Variants in PTPRD observed in about 807,000 individuals in gnomAD.
PTPRD encodes the protein receptor-type tyrosine-protein phosphatase delta.
PTPRD carries 34 observed loss-of-function variants against 214.5 expected under a neutral mutation model. The observed-to-expected ratio is 0.16, with a 90% CI of 0.12 to 0.21. PTPRD has a LOEUF of 0.21. Among genes scored for constraint, PTPRD ranks in the 10% least tolerant of loss-of-function variants. The pLI, the probability that PTPRD is intolerant of heterozygous loss-of-function variation, is 1.00. For synonymous variants in PTPRD, 1,128 were observed against 845.7 expected, an observed-to-expected ratio of 1.33 and a Z score of -5.79; for missense variants, 2,545 against 2,398.7, an observed-to-expected ratio of 1.06 and a Z score of -1.27.
intron 2 of PTPRD, among the ~76,000 whole-genome samples, chr9:10,589,520 C>A (rs2074864235): frequency 6.6e-6 from 1 of 152,006 alleles, no homozygotes; most frequent in Non-Finnish European, 1.5e-5. Flanking sequence ...AGTAGCCACC[C>A]TCTAGTAAAG....
In PTPRD at chr9:8,317,869, G is replaced by T; in HGVS notation, c.*5C>A. 1 of 1,611,826 alleles carries T rather than the reference G, an allele frequency of 6.2e-7. No individual in the cohort carries two copies. Among genetic ancestry groups the T allele is most frequent in the Non-Finnish European group, 8.5e-7 (1 of 1,178,424 alleles). Reference sequence around the variant, plus strand: ...TAGTAAAAATCCAGAATGGGTCAGGGGTTTCTACGTTGCATAGTGGTCAAA... The same window carrying T: ...TAGTAAAAATCCAGAATGGGTCAGGTGTTTCTACGTTGCATAGTGGTCAAA... On this transcript the variant is annotated 3_prime_UTR_variant, in exon 46 of 46. Coordinates refer to ENST00000381196, the MANE Select transcript of PTPRD (RefSeq NM_002839.4).
At chr9:10,156,078 TTGTGTGTGTGTGTGTG>T (rs71485323) in intron 3 of PTPRD, among the ~76,000 whole-genome samples, 20 of 132,634 alleles carry the variant, frequency 1.5e-4, no homozygotes, top group East Asian at 1.1e-3. Flanking sequence ...TTTTGAATGT[TTGTGTGTGTGTGTGTG>T]TGTGTGTGTG....
chr9:10,595,918 G>A (rs887619009), intron 2 of PTPRD, among the ~76,000 whole-genome samples: 1 of 151,734 alleles, frequency 6.6e-6, no homozygotes, highest in East Asian at 1.9e-4. Context: ...CGATCTAAAA[G>A]AGAAAGGATC....
At chr9:8,714,116 G>T (rs2098403266) in intron 12 of PTPRD, among the ~76,000 whole-genome samples, 1 of 152,044 alleles carries the variant, frequency 6.6e-6, no homozygotes, top group Admixed American at 6.5e-5. Context: ...ATGAGAAGCG[G>T]GTCACAAACC....
intron 14 of PTPRD, among the ~76,000 whole-genome samples, chr9:8,584,484 A>G (rs143196608): frequency 1.3e-3 from 192 of 151,994 alleles, no homozygotes; most frequent in African/African-American, 4.3e-3. Flanking sequence ...CTTCTCTATT[A>G]TGTTTTTACT....
intron 35 of PTPRD, among the ~76,000 whole-genome samples, chr9:8,414,070 G>C (rs1028614986): frequency 6.6e-6 from 1 of 152,060 alleles, no homozygotes; most frequent in Non-Finnish European, 1.5e-5. Context: ...GAATAGCTAA[G>C]ATACATTACA....
intron 9 of PTPRD, among the ~76,000 whole-genome samples, chr9:9,247,497 C>T (rs1473005345): frequency 1.3e-5 from 2 of 151,986 alleles, no homozygotes; most frequent in Non-Finnish European, 2.9e-5. Flanking sequence ...GGAGTGTTGG[C>T]CTTGACCCTT....
intron 2 of PTPRD, among the ~76,000 whole-genome samples, chr9:10,429,812 A>G (rs1009341438): frequency 1.3e-5 from 2 of 151,960 alleles, no homozygotes; most frequent in Non-Finnish European, 2.9e-5. Context: ...TTTCTTTTGA[A>G]TACATCATAT....
intron 17 of PTPRD, among the ~76,000 whole-genome samples, chr9:8,526,229 C>CT (rs1056567050): frequency 9.0e-5 from 12 of 133,776 alleles, no homozygotes; most frequent in Non-Finnish European, 1.4e-4. Flanking sequence ...AAAAAATGAT[C>CT]TTTTTTTTTC....
At chr9:8,377,491 A>C (rs1390050802) in intron 37 of PTPRD, among the ~76,000 whole-genome samples, 2 of 152,136 alleles carry the variant, frequency 1.3e-5, no homozygotes, top group African/African-American at 4.8e-5. Flanking sequence ...TAAACCTCAA[A>C]TTCACTGAAT....
chr9:9,443,011 T>C (rs1588556667), intron 8 of PTPRD, among the ~76,000 whole-genome samples: 1 of 152,202 alleles, frequency 6.6e-6, no homozygotes, highest in Non-Finnish European at 1.5e-5. Flanking sequence ...TAGTGATAAG[T>C]ATTCTTTCTT....
intron 8 of PTPRD, among the ~76,000 whole-genome samples, chr9:9,458,482 TCTTTA>T (rs900939310): frequency 6.6e-6 from 1 of 152,114 alleles, no homozygotes; most frequent in African/African-American, 2.4e-5. Context: ...AGTGTGCATG[TCTTTA>T]CTTCAAAATG....
chr9:8,733,986 A>T, intron 11 of PTPRD, 40 bp from the exon 12 acceptor site: 1 of 771,696 alleles, frequency 1.3e-6, no homozygotes, highest in Non-Finnish European at 2.1e-6. Context: ...GGAAGAAAAC[A>T]CAAAAGTGCT....
intron 8 of PTPRD, among the ~76,000 whole-genome samples, chr9:9,461,735 C>T (rs1190338926): frequency 6.6e-6 from 1 of 151,986 alleles, no homozygotes; most frequent in Admixed American, 6.6e-5. Flanking sequence ...AATTTATGGG[C>T]CAGATTGAGG....
At chr9:9,378,177 C>G (rs936970780) in intron 9 of PTPRD, among the ~76,000 whole-genome samples, 13 of 152,250 alleles carry the variant, frequency 8.5e-5, no homozygotes, top group African/African-American at 2.9e-4. Context: ...CCAAAATCCT[C>G]TATGCCCCAC....
At chr9:10,352,828 G>T (rs1191230129) in intron 2 of PTPRD, among the ~76,000 whole-genome samples, 1 of 151,944 alleles carries the variant, frequency 6.6e-6, no homozygotes, top group Non-Finnish European at 1.5e-5. Flanking sequence ...TTTTTATGCA[G>T]GATTTTATCT....
At chr9:9,019,733 A>G (rs944165725) in intron 10 of PTPRD, among the ~76,000 whole-genome samples, 4 of 152,144 alleles carry the variant, frequency 2.6e-5, no homozygotes, top group Admixed American at 6.6e-5. Context: ...ATGGAAGTTT[A>G]TTATTAATAT....
chr9:10,601,786 G>C (rs962041095), intron 2 of PTPRD, among the ~76,000 whole-genome samples: 1 of 151,722 alleles, frequency 6.6e-6, no homozygotes, highest in African/African-American at 2.4e-5. Flanking sequence ...TAAGAGTTTA[G>C]CAGTTCCATG....
intron 10 of PTPRD, among the ~76,000 whole-genome samples, chr9:9,176,870 G>C (rs7847947): frequency 6.6e-6 from 1 of 152,014 alleles, no homozygotes; most frequent in African/African-American, 2.4e-5. Flanking sequence ...TCATGCGGGG[G>C]TATTGTGTTA....
Sources: allele counts gnomAD v4.1 joint callset (sites outside exome capture counted in the v4.1 genomes callset), GRCh38; gene constraint gnomAD v4.1.1; transcripts MANE v1.5; gene names NCBI Gene and HGNC (gene_info 2026-07-23, HGNC 2026-07-21).